PLEKHH2: variants seen among roughly 807,000 people sequenced by gnomAD.
PLEKHH2 encodes the protein pleckstrin homology domain-containing family H member 2.
In PLEKHH2, 129 loss-of-function variants were observed where a neutral mutation model predicts 187.9. The ratio of observed to expected loss-of-function variants is 0.69; its 90% confidence interval spans 0.59 to 0.79. PLEKHH2 has a LOEUF of 0.79. Among genes scored for constraint, PLEKHH2 ranks in the 30% least tolerant of loss-of-function variants. The pLI is 0.00. For missense variants in PLEKHH2, 2,076 were observed against 1,751.2 expected (o/e 1.19, Z -3.31); for synonymous variants, 686 against 605.6 (o/e 1.13, Z -1.95).
chr2:43,653,487 T>C (rs60655558), intron 2 of PLEKHH2, among the ~76,000 whole-genome samples: 3,479 of 152,350 alleles, frequency 0.023, 49 homozygotes, highest in South Asian at 0.059. Flanking sequence ...TTTGAAGACA[T>C]TCAAGGTCCC....
chr2:43,654,704 ACCCCC>A lies in PLEKHH2; in HGVS notation c.123+9916_123+9920del, dbSNP rs34057211. ...ACCAGCTTGGGCAACATAGTAAGACACCCCCCCCCCCCGCATCTCTACCAAAAAAT... is the reference window on the plus strand; with the variant it reads ...ACCAGCTTGGGCAACATAGTAAGACACCCCCCCGCATCTCTACCAAAAAAT... On this transcript the variant is annotated intron_variant, in intron 2 of 29. Coordinates refer to ENST00000282406, the MANE Select transcript of PLEKHH2 (RefSeq NM_172069.4). Among the ~76,000 whole-genome samples, 13 of 112,286 alleles carry A rather than the reference ACCCCC, an allele frequency of 1.2e-4. No individual in the cohort carries two copies. In the South Asian group the frequency reaches 3.0e-3, roughly 26 times the overall value. 73.7% of individuals were successfully genotyped at this position (112,286 alleles called of 152,430 possible).
chr2:43,647,540 TG>T (rs1417996360), intron 2 of PLEKHH2, among the ~76,000 whole-genome samples: 5 of 152,086 alleles, frequency 3.3e-5, no homozygotes, highest in Admixed American at 3.3e-4. Context: ...CACTTCTGCT[TG>T]GGGGCAGCTA....
chr2:43,714,898 C>T (rs1558547970), intron 15 of PLEKHH2, among the ~76,000 whole-genome samples: 1 of 152,070 alleles, frequency 6.6e-6, no homozygotes, highest in African/African-American at 2.4e-5. Flanking sequence ...TTTACCTGTG[C>T]CGAGTCTTCA....
chr2:43,714,392 G>T (rs72790989), intron 15 of PLEKHH2, among the ~76,000 whole-genome samples: 23,241 of 152,078 alleles, frequency 0.15, 2,049 homozygotes, highest in Non-Finnish European at 0.2. Context: ...TTTCCTTCCT[G>T]CCATTTGTGC....
chr2:43,692,030 C>A (rs1457679018), intron 3 of PLEKHH2, among the ~76,000 whole-genome samples: 1 of 152,062 alleles, frequency 6.6e-6, no homozygotes, highest in Non-Finnish European at 1.5e-5. Flanking sequence ...TCATTTGGGG[C>A]TTTAAGGTTG....
At chr2:43,752,697 G>T (rs1396883504) in intron 24 of PLEKHH2, among the ~76,000 whole-genome samples, 1 of 152,148 alleles carries the variant, frequency 6.6e-6, no homozygotes, top group Non-Finnish European at 1.5e-5. Context: ...CCACCCCATT[G>T]TCACAGCATT....
In PLEKHH2 at chr2:43,644,707, G is replaced by C. The variant is rs558946969; in HGVS notation, c.34G>C (p.Asp12His). ...AELSEPEGPV[D>H]WKERCVALES... is the part of the protein sequence containing the mutation. ...GCTTTCTGAGCCAGAGGGACCAGTA[G>C]ATTGGAAGGAACGATGTGTAGCTCT... The change falls in exon 2 of 30, where the codon GAT (aspartate) becomes CAT (histidine). Residue 12 changes from aspartate to histidine, a missense_variant. Asp to His is a moderately conservative substitution (Grantham distance 81). Coordinates refer to ENST00000282406, the MANE Select transcript of PLEKHH2 (RefSeq NM_172069.4). 3.7e-6 allele frequency: 6 copies of C among 1,607,440 alleles called. No individual in the cohort carries two copies. The Admixed American group carries it at 5.0e-5, about 13-fold the overall frequency.
In PLEKHH2 at chr2:43,757,244, C is replaced by A; in HGVS notation, c.3921C>A (p.Gly1307=). The change falls in exon 26 of 30, where the codon GGC becomes GGA. Residue 1307 remains glycine, a synonymous_variant. Transcript: ENST00000282406. ...EKFYPKRYRD[G]CSEEQLRQLC... ...TTTATCCTAAAAGGTATAGAGATGG[C>A]TGTTCTGAAGAGCAGTTAAGGTAAG... 6.3e-7 allele frequency: 1 copy of A among 1,581,930 alleles called. No homozygotes were observed. Among genetic ancestry groups the A allele is most frequent in the Admixed American group, 1.9e-5 (1 of 54,034 alleles).
intron 2 of PLEKHH2, among the ~76,000 whole-genome samples, chr2:43,669,204 A>G (rs1306833213): frequency 2.0e-5 from 3 of 152,350 alleles, no homozygotes; most frequent in Non-Finnish European, 4.4e-5. Context: ...AGTAATCACC[A>G]TGCAAGCAGA....
At chr2:43,645,562 T>G (rs1238803590) in intron 2 of PLEKHH2, among the ~76,000 whole-genome samples, 2 of 152,154 alleles carry the variant, frequency 1.3e-5, no homozygotes. Context: ...TGAGGTGTGT[T>G]GTAAAAGTAG....
intron 2 of PLEKHH2, among the ~76,000 whole-genome samples, chr2:43,653,570 G>C (rs1666592586): frequency 6.6e-6 from 1 of 152,198 alleles, no homozygotes; most frequent in Non-Finnish European, 1.5e-5. Context: ...AACGAGGAAG[G>C]CATGGGATAT....
Position 43,697,234 on chromosome 2 carries a change from G to A in PLEKHH2, c.566G>A (p.Ser189Asn). 6.2e-7 allele frequency: 1 copy of A among 1,613,916 alleles called. No individual in the cohort carries two copies. The highest frequency in any genetic ancestry group is 1.1e-5 in the South Asian group (1 of 91,060). Residue 189 changes from serine (S) to asparagine (N), a missense_variant, in exon 7 of 30, where the codon AGC (serine) becomes AAC (asparagine). Ser to Asn is a conservative substitution (Grantham distance 46). Transcript: ENST00000282406. ...AAGCTTTCGGAAGGCCAGCGCCTGAGCAGTTTGACCTTTGGGTGCTTTTTA... is the reference window on the plus strand; with the variant it reads ...AAGCTTTCGGAAGGCCAGCGCCTGAACAGTTTGACCTTTGGGTGCTTTTTA... ...TLKLSEGQRL[S>N]SLTFGCFLSR... is the part of the protein sequence containing the mutation.
At chr2:43,640,210 AC>A (rs1432697082) in intron 1 of PLEKHH2, among the ~76,000 whole-genome samples, 1 of 102,198 alleles carries the variant, frequency 9.8e-6, no homozygotes, top group African/African-American at 4.7e-5. Context: ...TTATATTTAA[AC>A]TTTTTTTTTT....
At chr2:43,744,084 G>C in intron 23 of PLEKHH2, 95 bp downstream of exon 23, 1 of 1,483,114 alleles carries the variant, frequency 6.7e-7, no homozygotes. Flanking sequence ...TTTAATTCAG[G>C]AGTTTTCCAA....
chr2:43,689,965 T>C (rs748868905), intron 3 of PLEKHH2, among the ~76,000 whole-genome samples: 32 of 152,230 alleles, frequency 2.1e-4, no homozygotes, highest in Non-Finnish European at 4.1e-4. Context: ...TTTAACTTAA[T>C]AAAAGGACAC....
chr2:43,710,691 G>T (rs1449120354), intron 14 of PLEKHH2, 116 bp downstream of exon 14: 1 of 1,470,970 alleles, frequency 6.8e-7, no homozygotes, highest in South Asian at 1.4e-5. Context: ...TTCACTTTGG[G>T]GGGTTAGTTT....
intron 1 of PLEKHH2, among the ~76,000 whole-genome samples, chr2:43,640,320 G>T (rs575472544): frequency 6.6e-6 from 1 of 151,692 alleles, no homozygotes; most frequent in Non-Finnish European, 1.5e-5. Context: ...CTCCCGAGTA[G>T]CTGGGACCAC....
At chr2:43,764,621 TGAAG>T (rs2104633557) in intron 29 of PLEKHH2, among the ~76,000 whole-genome samples, 1 of 152,328 alleles carries the variant, frequency 6.6e-6, no homozygotes, top group African/African-American at 2.4e-5. Flanking sequence ...AAAAATTAAA[TGAAG>T]GAAGTTTGTA....
At chr2:43,725,847 A>G (rs1158237645) in intron 16 of PLEKHH2, among the ~76,000 whole-genome samples, 1 of 152,136 alleles carries the variant, frequency 6.6e-6, no homozygotes, top group Non-Finnish European at 1.5e-5. Flanking sequence ...GCGGTGGCTC[A>G]CGCTTGTGAT....
Sources: allele counts gnomAD v4.1 joint callset (sites outside exome capture counted in the v4.1 genomes callset), GRCh38; gene constraint gnomAD v4.1.1; transcripts MANE v1.5; gene names NCBI Gene and HGNC (gene_info 2026-07-23, HGNC 2026-07-21).